The following PDE6B variants were observed in gnomAD, a reference collection of about 807,000 sequenced individuals.
PDE6B encodes rod cGMP-specific 3',5'-cyclic phosphodiesterase subunit beta.
Under a neutral mutation model 109.0 loss-of-function variants are expected in PDE6B, and 106 were observed. That is an observed-to-expected ratio of 0.97 (90% confidence interval 0.83 to 1.14). The LOEUF (loss-of-function observed/expected upper bound fraction) is 1.14, where lower values mean the gene tolerates loss of function less well. Ranked by LOEUF, PDE6B falls within the 50% of genes most tolerant of loss-of-function variation. PDE6B has a pLI of 0.00. For synonymous variants in PDE6B, 490 were observed against 471.3 expected (o/e 1.04, Z -0.51); for missense variants, 1,193 against 1,155.6 (o/e 1.03, Z -0.47).
At chr4:630,871 G>T (rs1734352264) in intron 1 of PDE6B, among the ~76,000 whole-genome samples, 1 of 152,218 alleles carries the variant, frequency 6.6e-6, no homozygotes, top group Non-Finnish European at 1.5e-5. Flanking sequence ...GACCAAGGGT[G>T]TATCTGGCAC....
rs1433020015 is a variant in PDE6B at position 648,131 on chromosome 4, CT to C, written c.712-5720del. The stretch of plus-strand genomic sequence containing the variant: ...CAGGCGTATTTGCCCGTTCTGTTGT[CT>C]GGTCACCCCAGCCCTAAACCAGGCA... On this transcript the variant is annotated intron_variant, in intron 3 of 21. Transcript: ENST00000496514. This position sits in a 1 kb window ranked among gnomAD's most constrained non-coding sequence, Gnocchi z 4.5. Among the ~76,000 whole-genome samples the C allele has an allele frequency of 6.6e-6, 1 of 151,988 alleles. No individual in the cohort carries two copies. The highest frequency in any genetic ancestry group is 1.5e-5 in the Non-Finnish European group (1 of 68,020).
In PDE6B at chr4:666,494, TG is replaced by T; in HGVS notation, c.2269-35del. ...GGCGGGGCCCCAGGAGCTGCCTCCCTGGTCACTGTTCTCCCGCCCTCTGTTC... is the reference window on the plus strand; with the variant it reads ...GGCGGGGCCCCAGGAGCTGCCTCCCTGTCACTGTTCTCCCGCCCTCTGTTC... On this transcript the variant is annotated intron_variant, in intron 19 of 21. Coordinates refer to ENST00000496514, the MANE Select transcript of PDE6B (RefSeq NM_000283.4). This position sits in a 1 kb window ranked among gnomAD's most constrained non-coding sequence, Gnocchi z 5.6. 2 of 1,460,802 alleles carry T rather than the reference TG, an allele frequency of 1.4e-6. No homozygotes were observed. The highest frequency in any genetic ancestry group is 1.9e-6 in the Non-Finnish European group (2 of 1,041,206). 90.5% of individuals were successfully genotyped at this position (1,460,802 alleles called of 1,614,324 possible).
At chr4:630,854 G>A (rs1042468756) in intron 1 of PDE6B, among the ~76,000 whole-genome samples, 1 of 152,254 alleles carries the variant, frequency 6.6e-6, no homozygotes, top group Admixed American at 6.5e-5. Flanking sequence ...GAAGGTCTCA[G>A]TGCTGGGACC....
At chr4:646,372 C>T (rs946189665) in intron 3 of PDE6B, among the ~76,000 whole-genome samples, 7 of 151,886 alleles carry the variant, frequency 4.6e-5, no homozygotes, top group Non-Finnish European at 2.9e-5. Context: ...CAGATGTTCC[C>T]CCACCCCCAG....
chr4:640,576 C>T (rs539896466), intron 3 of PDE6B, among the ~76,000 whole-genome samples: 2 of 151,948 alleles, frequency 1.3e-5, no homozygotes, highest in East Asian at 1.9e-4. Flanking sequence ...TTTTTTCCCT[C>T]ATGGATTGTA....
Position 634,754 on chromosome 4 carries a change from T to C in PDE6B, c.546T>C (p.Asn182=), listed in dbSNP as rs368094720. ...TKNMLATPIM[N]GKDVVAVIMA... is the part of the protein sequence containing the mutation. ...ATATGCTGGCCACACCCATCATGAA[T>C]GGCAAAGACGTCGTGGCGGTGATCA... The change falls in exon 2 of 22, where the codon AAT becomes AAC. Residue 182 remains asparagine (N), a synonymous_variant. Transcript: ENST00000496514. 1.9e-6 allele frequency: 3 copies of C among 1,613,520 alleles called. No homozygotes were observed.
intron 3 of PDE6B, among the ~76,000 whole-genome samples, chr4:644,735 GC>G (rs922447301): frequency 1.3e-5 from 2 of 151,788 alleles, no homozygotes; most frequent in Admixed American, 6.6e-5. Flanking sequence ...TCCCCATGTT[GC>G]CCAGGTTGGT....
At chr4:655,907 G>T (rs572681474) in intron 6 of PDE6B, 33 bp from the exon 7 acceptor site, 2 of 1,382,602 alleles carry the variant, frequency 1.4e-6, no homozygotes, top group Non-Finnish European at 2.1e-6. Context: ...CCAGCCCGGC[G>T]TGGCCTATCT....
intron 6 of PDE6B, chr4:655,297 G>A: frequency 3.3e-6 from 1 of 305,236 alleles, no homozygotes; most frequent in South Asian, 3.3e-5. Context: ...CCGTGGGGCT[G>A]GAAGAGGAGG....
chr4:655,720 G>C, intron 6 of PDE6B: 1 of 633,568 alleles, frequency 1.6e-6, no homozygotes. Context: ...CACACGCCCA[G>C]TCCATCTGAC....
At chr4:653,787 G>A in intron 3 of PDE6B, 65 bp from the exon 4 acceptor site, 1 of 1,572,688 alleles carries the variant, frequency 6.4e-7, no homozygotes. Context: ...AACCCCTGCT[G>A]CTGTGGTCAG....
rs1050675130 is a variant in PDE6B at position 657,074 on chromosome 4, G to C, written c.1257+51G>C. 6 of 1,576,324 alleles carry C rather than the reference G, an allele frequency of 3.8e-6. No individual in the cohort carries two copies. In the African/African-American group the frequency reaches 6.7e-5, roughly 18 times the overall value. On this transcript the variant is annotated intron_variant, in intron 9 of 21. Coordinates refer to ENST00000496514, the MANE Select transcript of PDE6B (RefSeq NM_000283.4). ...CGCCGGGGATGCCCTGCGAGGGGTGGGGCCTGTGCGGTGTGGGGGCCTCCC... is the reference window on the plus strand; with the variant it reads ...CGCCGGGGATGCCCTGCGAGGGGTGCGGCCTGTGCGGTGTGGGGGCCTCCC...
In PDE6B at chr4:653,471, G is replaced by A. The variant is rs879303946; in HGVS notation, c.712-381G>A. ...GGAGGCCACAGGCGGCCTGACGTGC[G>A]GAAACCACGGCCCGATGTTCTCAAA... On this transcript the variant is annotated intron_variant, in intron 3 of 21. Transcript: ENST00000496514. The A allele has an allele frequency of 5.3e-5, 29 of 544,218 alleles. 1 individual carries two copies. The highest frequency in any genetic ancestry group is 7.3e-4 in the Middle Eastern group (1 of 1,364). The allele number at this position is 544,218 out of a possible 1,614,324, so 33.7% of individuals were successfully genotyped here. A position where few individuals can be genotyped will look rare whatever the true frequency, so the allele number is the denominator to read the frequency against.
rs570867480 is a variant in PDE6B, at chr4:669,324, G to A, written c.2504-722G>A. ...AGTCCCACTACCCCATGCTATTCCC[G>A]CTACCCCATGCTATTCCCCTACCCC... On this transcript the variant is annotated intron_variant, in intron 21 of 21. Transcript: ENST00000496514. 7.6e-3 allele frequency among the ~76,000 whole-genome samples: 445 copies of A among 58,776 alleles called. 9 individuals are homozygous for A. The highest frequency in any genetic ancestry group is 0.022 in the African/African-American group (227 of 10,114). 38.6% of individuals were successfully genotyped at this position (58,776 alleles called of 152,430 possible).
In PDE6B at chr4:663,741, G is replaced by A. The variant is rs1406053522; in HGVS notation, c.1921-29G>A. On this transcript the variant is annotated intron_variant, in intron 15 of 21. Transcript: ENST00000496514. The surrounding 1 kb of genome is among the most constrained non-coding windows in gnomAD (Gnocchi z 4.0). ...GCACCCTGAGAGGTGGCCGCAGGGCGCCTGACGCGCTGGGCATAACCTCCG... is the reference window on the plus strand; with the variant it reads ...GCACCCTGAGAGGTGGCCGCAGGGCACCTGACGCGCTGGGCATAACCTCCG... 8.3e-6 allele frequency: 13 copies of A among 1,572,248 alleles called. No homozygotes were observed. The highest frequency in any genetic ancestry group is 1.1e-5 in the South Asian group (1 of 90,182).
chr4:626,025 A>C lies in PDE6B; in HGVS notation c.399A>C (p.Pro133=). 1 of 1,595,070 alleles carries C rather than the reference A, an allele frequency of 6.3e-7. No homozygotes were observed. Among genetic ancestry groups the C allele is most frequent in the Non-Finnish European group, 8.5e-7 (1 of 1,171,614 alleles). ...LVPPDSEIVF[P]LDIGVVGHVA... is the part of the protein sequence containing the mutation. ...CCCCCGACTCCGAGATCGTCTTCCC[A>C]CTGGACATCGGGGTCGTGGGCCACG... Residue 133 remains proline, a synonymous_variant, in exon 1 of 22, where the codon CCA becomes CCC. Transcript: ENST00000496514. The surrounding 1 kb of genome is among the most constrained non-coding windows in gnomAD (Gnocchi z 4.6).
intron 3 of PDE6B, among the ~76,000 whole-genome samples, chr4:646,406 G>A (rs1735201900): frequency 6.6e-6 from 1 of 151,714 alleles, no homozygotes; most frequent in Non-Finnish European, 1.5e-5. Context: ...TTTCAGCTTG[G>A]TTGTCTGCAG....
rs1291902026 is a variant in PDE6B, at chr4:665,677, C to G, written c.2268+348C>G. ...CTGGGGAGGGTGCTGGGGCAGAGAACGCATGGGGGGCGTCCCGGGCCCACA... is the reference window on the plus strand; with the variant it reads ...CTGGGGAGGGTGCTGGGGCAGAGAAGGCATGGGGGGCGTCCCGGGCCCACA... On this transcript the variant is annotated intron_variant, in intron 19 of 21. Coordinates refer to ENST00000496514, the MANE Select transcript of PDE6B (RefSeq NM_000283.4). This position sits in a 1 kb window ranked among gnomAD's most constrained non-coding sequence, Gnocchi z 4.0. Among the ~76,000 whole-genome samples the G allele has an allele frequency of 2.0e-5, 3 of 152,158 alleles. No individual in the cohort carries two copies. Among genetic ancestry groups the G allele is most frequent in the Non-Finnish European group, 4.4e-5 (3 of 68,020 alleles).
In PDE6B at chr4:637,291, G is replaced by T. The variant is rs565576805; in HGVS notation, c.711+1322G>T. ...TTGTTTTTGAGACAGGGTCCATCTGGGCTCGCTACAACCTCTGCCCCCCCG... is the reference window on the plus strand; with the variant it reads ...TTGTTTTTGAGACAGGGTCCATCTGTGCTCGCTACAACCTCTGCCCCCCCG... On this transcript the variant is annotated intron_variant, in intron 3 of 21. Transcript: ENST00000496514. 3.3e-5 allele frequency among the ~76,000 whole-genome samples: 5 copies of T among 151,716 alleles called. No homozygotes were observed. In the South Asian group the frequency reaches 1.0e-3, roughly 32 times the overall value.
Sources: allele counts gnomAD v4.1 joint callset (sites outside exome capture counted in the v4.1 genomes callset), GRCh38; gene constraint gnomAD v4.1.1; non-coding constraint Gnocchi (gnomAD v3.1); transcripts MANE v1.5; gene names NCBI Gene and HGNC (gene_info 2026-07-23, HGNC 2026-07-21).